The following SERPINA6 variants were observed in gnomAD, a reference collection of about 807,000 sequenced individuals.
The protein encoded by SERPINA6 is corticosteroid-binding globulin.
Under a neutral mutation model 26.4 loss-of-function variants are expected in SERPINA6, and 19 were observed. The observed-to-expected ratio is 0.72, with a 90% CI of 0.50 to 1.06. SERPINA6 has a LOEUF of 1.06. Among genes scored for constraint, SERPINA6 ranks in the 50% least tolerant of loss-of-function variants. The pLI is 0.00. For synonymous variants in SERPINA6, 196 were observed against 199.4 expected (o/e 0.98, Z 0.14); for missense variants, 473 against 504.0 (o/e 0.94, Z 0.59).
At chr14:94,308,582 AC>A (rs1937341415) in intron 3 of SERPINA6, among the ~76,000 whole-genome samples, 1 of 151,656 alleles carries the variant, frequency 6.6e-6, no homozygotes, top group African/African-American at 2.4e-5. Context: ...CCCCCCTGCC[AC>A]CAGGTTTCAT....
intron 2 of SERPINA6, among the ~76,000 whole-genome samples, chr14:94,310,588 C>T (rs1357555273): frequency 6.6e-6 from 1 of 152,142 alleles, no homozygotes; most frequent in African/African-American, 2.4e-5. Flanking sequence ...AGGGTGCCAC[C>T]ATCCAGCTTG....
intron 2 of SERPINA6, among the ~76,000 whole-genome samples, chr14:94,313,008 C>T (rs1355418402): frequency 2.0e-5 from 3 of 152,210 alleles, no homozygotes; most frequent in African/African-American, 7.2e-5. Context: ...ACTCAACCAC[C>T]TGGGTGCTAA....
At position 94,306,139 on chromosome 14, in the gene SERPINA6, C is replaced by A. The variant is rs779312270; in HGVS notation, c.964G>T (p.Ala322Ser). Residue 322 changes from alanine (A) to serine (S), a missense_variant, in exon 4 of 5, where the codon GCA (alanine) becomes TCA (serine). Transcript: ENST00000341584. ...LGDVLEEMGI[A>S]DLFTNQANFS... ...TTTGCCTGGTTGGTGAACAAGTCTG[C>A]AATGCCCATTTCCTCCAGCACATCT... 10 of 1,614,214 alleles carry A rather than the reference C, an allele frequency of 6.2e-6. No individual in the cohort carries two copies. Among genetic ancestry groups the A allele is most frequent in the Non-Finnish European group, 7.6e-6 (9 of 1,180,026 alleles).
rs1895580652 is a variant in SERPINA6 at position 94,314,416 on chromosome 14, G to A, written c.233C>T (p.Ser78Phe). The change falls in exon 2 of 5, where the codon TCC (serine) becomes TTC (phenylalanine). Residue 78 changes from serine (S) to phenylalanine (F), a missense_variant. By Grantham distance (155) the Ser-to-Phe change is radical. Coordinates refer to ENST00000341584, the MANE Select transcript of SERPINA6 (RefSeq NM_001756.4). The stretch of plus-strand genomic sequence containing the variant: ...CCGTGTGTGGCCACAGGTGCCCAGG[G>A]ACAGCATAGCTAAGGCCATGGAGAT... ...VSISMALAMLSLGTCGHTRAQ... is the reference protein window; with the variant it reads ...VSISMALAMLFLGTCGHTRAQ... The A allele has an allele frequency of 6.2e-7, 1 of 1,614,202 alleles. No individual in the cohort carries two copies. Among genetic ancestry groups the A allele is most frequent in the Non-Finnish European group, 8.5e-7 (1 of 1,180,048 alleles).
intron 2 of SERPINA6, among the ~76,000 whole-genome samples, chr14:94,312,374 A>C (rs1380247942): frequency 3.3e-5 from 5 of 152,150 alleles, no homozygotes; most frequent in African/African-American, 9.7e-5. Context: ...CCCTCCCTGC[A>C]CCTGGGTTTA....
Position 94,304,441 on chromosome 14 carries a change from C to G in SERPINA6, c.1195G>C (p.Ala399Pro), listed in dbSNP as rs1022163339. ...DHFTWSSLFL[A>P]RVMNPV is the part of the protein sequence containing the mutation. ...TCTTACACTGGGTTCATAACCCTCG[C>G]CAGGAAAAGGCTGCTCCAGGTGAAG... The change falls in exon 5 of 5, where the codon GCG becomes CCG. Residue 399 changes from alanine to proline, a missense_variant. Ala to Pro is a conservative substitution (Grantham distance 27). Transcript: ENST00000341584. The G allele has an allele frequency of 6.2e-7, 1 of 1,614,054 alleles. No homozygotes were observed. Among genetic ancestry groups the G allele is most frequent in the South Asian group, 1.1e-5 (1 of 91,060 alleles).
intron 2 of SERPINA6, among the ~76,000 whole-genome samples, chr14:94,311,872 C>T (rs1027096466): frequency 5.3e-5 from 8 of 151,968 alleles, no homozygotes; most frequent in South Asian, 2.1e-4. Flanking sequence ...GGCATGAACC[C>T]GGGAGGCGGA....
intron 2 of SERPINA6, among the ~76,000 whole-genome samples, chr14:94,310,361 C>T (rs1895510839): frequency 6.6e-6 from 1 of 152,136 alleles, no homozygotes; most frequent in Non-Finnish European, 1.5e-5. Flanking sequence ...GGAAGTGGTG[C>T]TAGACCTCAA....
intron 1 of SERPINA6, among the ~76,000 whole-genome samples, chr14:94,321,387 C>G (rs1380805511): frequency 6.6e-6 from 1 of 152,198 alleles, no homozygotes; most frequent in Non-Finnish European, 1.5e-5. Context: ...GTGACCCAGT[C>G]CCTGGTGACA....
chr14:94,314,778 A>G lies in SERPINA6; in HGVS notation c.-19-111T>C, dbSNP rs1388330431. The G allele has an allele frequency of 8.1e-5, 81 of 1,004,412 alleles. No individual in the cohort carries two copies. In the Middle Eastern group the frequency reaches 8.3e-4, roughly 10 times the overall value. 62.2% of individuals were successfully genotyped at this position (1,004,412 alleles called of 1,614,324 possible). On this transcript the variant is annotated intron_variant, in intron 1 of 4. Coordinates refer to ENST00000341584, the MANE Select transcript of SERPINA6 (RefSeq NM_001756.4). ...CATTCAAGCCCCAGTTCCTTCCTCC[A>G]CACTGGCTGTGTGACCTGGAGCACA...
chr14:94,308,145 A>T (rs1442586680), intron 3 of SERPINA6, among the ~76,000 whole-genome samples: 1 of 152,130 alleles, frequency 6.6e-6, no homozygotes, highest in Non-Finnish European at 1.5e-5. Context: ...TTCCATTCAC[A>T]CTCAAAGCAG....
intron 1 of SERPINA6, chr14:94,314,883 G>T (rs541876483): frequency 1.5e-5 from 9 of 610,606 alleles, no homozygotes; most frequent in South Asian, 3.9e-5. Flanking sequence ...TGCCTGACAG[G>T]TACCCAACAC....
At chr14:94,306,318 C>A in intron 3 of SERPINA6, 100 bp from the exon 4 acceptor site, 6 of 1,287,636 alleles carry the variant, frequency 4.7e-6, no homozygotes, top group Non-Finnish European at 4.4e-6. Context: ...TTTCCTCATG[C>A]GCTCCCTCCA....
chr14:94,312,227 T>G (rs561073751), intron 2 of SERPINA6, among the ~76,000 whole-genome samples: 2 of 152,346 alleles, frequency 1.3e-5, no homozygotes, highest in East Asian at 3.9e-4. Flanking sequence ...CCTAAAGCTG[T>G]GATCTCCTAT....
chr14:94,304,386 A>G lies in SERPINA6; in HGVS notation c.*32T>C, dbSNP rs747017756. The G allele has an allele frequency of 3.1e-6, 5 of 1,608,288 alleles. No individual in the cohort carries two copies. The highest frequency in any genetic ancestry group is 4.3e-6 in the Non-Finnish European group (5 of 1,174,700). ...TGTGGGATCCCTGGTTCCCAAAGTC[A>G]GACAGTGCTGAGGCTCTGGGTGGGT... On this transcript the variant is annotated 3_prime_UTR_variant, in exon 5 of 5. Coordinates refer to ENST00000341584, the MANE Select transcript of SERPINA6 (RefSeq NM_001756.4).
rs1421995088 is a variant in SERPINA6, at chr14:94,314,210, T to C, written c.439A>G (p.Ile147Val). Residue 147 changes from isoleucine to valine, a missense_variant, in exon 2 of 5, where the codon ATC becomes GTC. Physicochemically the swap from Ile to Val is conservative, Grantham distance 29. Transcript: ENST00000341584. ...ACCTCTGACTCATAGTAGTGCTTGA[T>C]GTCTGCTGAGAATGACTCCAGCAAC... ...LELLESFSAD[I>V]KHYYESEVLA... is the part of the protein sequence containing the mutation. 6 of 1,614,242 alleles carry C rather than the reference T, an allele frequency of 3.7e-6. No individual in the cohort carries two copies. Among genetic ancestry groups the C allele is most frequent in the South Asian group, 1.1e-5 (1 of 91,084 alleles).
chr14:94,307,417 C>T (rs996601252), intron 3 of SERPINA6, among the ~76,000 whole-genome samples: 7 of 152,208 alleles, frequency 4.6e-5, no homozygotes, highest in African/African-American at 1.7e-4. Context: ...GCGTTGTTGA[C>T]AGCTCTCTGA....
chr14:94,314,701 G>A, intron 1 of SERPINA6, 34 bp from the exon 2 acceptor site: 1 of 1,599,274 alleles, frequency 6.3e-7, no homozygotes, highest in Non-Finnish European at 8.5e-7. Context: ...AGATGCTGTG[G>A]CAGTCTCTGA....
At position 94,310,000 on chromosome 14, in the gene SERPINA6, C is replaced by T. The variant is rs1895505227; in HGVS notation, c.620G>A (p.Trp207Ter). The T allele has an allele frequency of 2.5e-6, 4 of 1,614,022 alleles. No homozygotes were observed. The highest frequency in any genetic ancestry group is 3.4e-6 in the Non-Finnish European group (4 of 1,179,988). ...LVNYIFFKGT[W>*]TQPFDLASTR... ...GCTTGCCAGGTCAAAGGGCTGTGTCCATGTGCCTAGGAAGAGGAGGAGACA... is the reference window on the plus strand; with the variant it reads ...GCTTGCCAGGTCAAAGGGCTGTGTCTATGTGCCTAGGAAGAGGAGGAGACA... The change falls in exon 3 of 5, where the codon TGG (tryptophan) becomes TAG (stop). Residue 207 changes from tryptophan to a stop codon, truncating the protein, a stop_gained. Transcript: ENST00000341584. LOFTEE classifies it high-confidence loss of function.
Sources: allele counts gnomAD v4.1 joint callset (sites outside exome capture counted in the v4.1 genomes callset), GRCh38; gene constraint gnomAD v4.1.1; transcripts MANE v1.5; gene names NCBI Gene and HGNC (gene_info 2026-07-23, HGNC 2026-07-21).